Variants in IGSF21 observed in about 807,000 individuals in gnomAD.
The protein encoded by IGSF21 is immunoglobin superfamily member 21.
In IGSF21, 28 loss-of-function variants were observed where a neutral mutation model predicts 46.8. That is an observed-to-expected ratio of 0.60 (90% CI 0.44 to 0.82). IGSF21 has a LOEUF of 0.82. Ranked by LOEUF, IGSF21 falls within the 40% of genes least tolerant of loss-of-function variation. IGSF21 has a pLI of 0.00. For synonymous variants in IGSF21, 284 were observed against 273.6 expected, an observed-to-expected ratio of 1.04 and a Z score of -0.38; for missense variants, 624 against 665.5, an observed-to-expected ratio of 0.94 and a Z score of 0.69.
intron 2 of IGSF21, among the ~76,000 whole-genome samples, chr1:18,289,462 C>T (rs145930656): frequency 7.3e-4 from 111 of 152,350 alleles, no homozygotes; most frequent in African/African-American, 2.5e-3. Flanking sequence ...AGAAGCCAGA[C>T]GCTTGTCAGG....
At chr1:18,366,109 G>A (rs1485210912) in intron 6 of IGSF21, among the ~76,000 whole-genome samples, 1 of 151,990 alleles carries the variant, frequency 6.6e-6, no homozygotes, top group Non-Finnish European at 1.5e-5. Context: ...AGAGGTTGGG[G>A]AAAAGCAAGG....
At chr1:18,158,301 C>T (rs374813330) in intron 1 of IGSF21, among the ~76,000 whole-genome samples, 8 of 152,326 alleles carry the variant, frequency 5.3e-5, no homozygotes, top group East Asian at 3.9e-4. Context: ...AGTGCACCCT[C>T]GGCATTAATT....
intron 4 of IGSF21, among the ~76,000 whole-genome samples, chr1:18,350,701 TC>T (rs2085943502): frequency 6.6e-6 from 1 of 151,758 alleles, no homozygotes; most frequent in South Asian, 2.1e-4. Flanking sequence ...CTACAGCTCC[TC>T]CCCACTCACC....
In IGSF21 at chr1:18,277,286, C is replaced by T. The variant is rs117715834; in HGVS notation, c.184-14580C>T. 1.1e-4 allele frequency among the ~76,000 whole-genome samples: 16 copies of T among 152,332 alleles called. No homozygotes were observed. In the East Asian group the frequency reaches 2.5e-3, roughly 24 times the overall value. On this transcript the variant is annotated intron_variant, in intron 2 of 9. Coordinates refer to ENST00000251296, the MANE Select transcript of IGSF21 (RefSeq NM_032880.5). ...CCTCCTTTGAAGATTGGGGCCATAA[C>T]GTGAATCCCGTGGGGTGGTTGCAAG...
At chr1:18,267,142 C>A (rs768356579) in intron 2 of IGSF21, among the ~76,000 whole-genome samples, 3 of 152,162 alleles carry the variant, frequency 2.0e-5, no homozygotes, top group Non-Finnish European at 4.4e-5. Flanking sequence ...TGACCTCACT[C>A]TAATGGGAAT....
At chr1:18,228,554 G>T (rs1218659942) in intron 2 of IGSF21, among the ~76,000 whole-genome samples, 1 of 152,206 alleles carries the variant, frequency 6.6e-6, no homozygotes, top group Non-Finnish European at 1.5e-5. Flanking sequence ...TTGGCACCAG[G>T]AAGAACAGCT....
At chr1:18,122,220 G>A (rs1269324563) in intron 1 of IGSF21, among the ~76,000 whole-genome samples, 1 of 86,618 alleles carries the variant, frequency 1.2e-5, no homozygotes, top group Non-Finnish European at 2.1e-5. Context: ...TTTTTTTTGA[G>A]ATAGAGTCTC....
chr1:18,349,610 CA>C (rs2085929523), intron 4 of IGSF21, among the ~76,000 whole-genome samples: 1 of 152,188 alleles, frequency 6.6e-6, no homozygotes, highest in South Asian at 2.1e-4. Flanking sequence ...CAGGGAGTAA[CA>C]TATCATCCAT....
At chr1:18,373,303 C>T (rs78785422) in intron 6 of IGSF21, among the ~76,000 whole-genome samples, 18,091 of 152,082 alleles carry the variant, frequency 0.12, 1,142 homozygotes, top group East Asian at 0.23. Flanking sequence ...CAGGAAAGTC[C>T]GGAGACTAAG....
In IGSF21 at chr1:18,176,840, G is replaced by T. The variant is rs534054078; in HGVS notation, c.71-51058G>T. 5.9e-4 allele frequency among the ~76,000 whole-genome samples: 90 copies of T among 152,348 alleles called. 1 individual carries two copies. The highest frequency in any genetic ancestry group is 1.8e-3 in the African/African-American group (76 of 41,576). ...CCTTGGGGATTAGGGGGCTTTGGGGGCTACCCTGGGGCTTTAAGGACAACA... is the reference window on the plus strand; with the variant it reads ...CCTTGGGGATTAGGGGGCTTTGGGGTCTACCCTGGGGCTTTAAGGACAACA... On this transcript the variant is annotated intron_variant, in intron 1 of 9. Transcript: ENST00000251296.
intron 1 of IGSF21, among the ~76,000 whole-genome samples, chr1:18,130,851 G>C (rs902599340): frequency 6.6e-6 from 1 of 152,244 alleles, no homozygotes; most frequent in African/African-American, 2.4e-5. Flanking sequence ...AGCCACCTCA[G>C]AATCTGTCCA....
chr1:18,139,717 G>A (rs950955659), intron 1 of IGSF21, among the ~76,000 whole-genome samples: 1 of 152,194 alleles, frequency 6.6e-6, no homozygotes, highest in Non-Finnish European at 1.5e-5. Context: ...TCTGTGAGAT[G>A]GGGTTAATAT....
chr1:18,108,291 G>T, intron 1 of IGSF21, 93 bp downstream of exon 1: 2 of 1,216,310 alleles, frequency 1.6e-6, no homozygotes, highest in Non-Finnish European at 2.1e-6. Flanking sequence ...GCTCCGAGAG[G>T]CTCGGGCTAC....
Position 18,349,613 on chromosome 1 carries a change from A to G in IGSF21, c.425-12502A>G, listed in dbSNP as rs116602180. On this transcript the variant is annotated intron_variant, in intron 4 of 9. Coordinates refer to ENST00000251296, the MANE Select transcript of IGSF21 (RefSeq NM_032880.5). The stretch of plus-strand genomic sequence containing the variant: ...CATGAGAAGGGGCAGGGAGTAACAT[A>G]TCATCCATCACAACAGCACTCACCA... Among the ~76,000 whole-genome samples the G allele has an allele frequency of 5.4e-3, 828 of 152,290 alleles. 9 individuals carry two copies. The highest frequency in any genetic ancestry group is 0.019 in the African/African-American group (776 of 41,570).
chr1:18,241,370 G>T (rs1193982693), intron 2 of IGSF21, among the ~76,000 whole-genome samples: 1 of 152,130 alleles, frequency 6.6e-6, no homozygotes, highest in Non-Finnish European at 1.5e-5. Flanking sequence ...GAAGATTCTG[G>T]GGATATCAGA....
At chr1:18,303,129 C>T (rs1431856824) in intron 3 of IGSF21, among the ~76,000 whole-genome samples, 1 of 152,134 alleles carries the variant, frequency 6.6e-6, no homozygotes, top group African/African-American at 2.4e-5. Context: ...AGGGACCCTC[C>T]CTTATTCATC....
chr1:18,305,546 T>TGATG lies in IGSF21; in HGVS notation c.305+13587_305+13590dup, dbSNP rs151122242. 4.3e-3 allele frequency among the ~76,000 whole-genome samples: 538 copies of TGATG among 123,894 alleles called. 14 individuals are homozygous for TGATG. The highest frequency in any genetic ancestry group is 6.7e-3 in the Admixed American group (85 of 12,602). 81.3% of individuals were successfully genotyped at this position (123,894 alleles called of 152,430 possible). A position where few individuals can be genotyped will look rare whatever the true frequency, so the allele number is the denominator to read the frequency against. ...GATGGATTATGAATGGATGGATGGA[T>TGATG]GATGGATGGATGGATGGATGGATGG... On this transcript the variant is annotated intron_variant, in intron 3 of 9. Coordinates refer to ENST00000251296, the MANE Select transcript of IGSF21 (RefSeq NM_032880.5).
At chr1:18,324,511 C>T (rs568948329) in intron 3 of IGSF21, among the ~76,000 whole-genome samples, 14 of 152,178 alleles carry the variant, frequency 9.2e-5, no homozygotes, top group South Asian at 2.1e-4. Flanking sequence ...CCAGGTGGCC[C>T]GGCCGCTTCT....
At chr1:18,268,470 G>A (rs776499293) in intron 2 of IGSF21, among the ~76,000 whole-genome samples, 4 of 152,186 alleles carry the variant, frequency 2.6e-5, no homozygotes, top group Non-Finnish European at 4.4e-5. Context: ...GGGTGTCAGG[G>A]ACTCCTGGGT....
Sources: gnomAD v4.1 joint callset for allele counts (sites outside exome capture counted in the v4.1 genomes callset) on GRCh38, gnomAD v4.1.1 for gene constraint, MANE v1.5 for transcripts, NCBI Gene and HGNC (gene_info 2026-07-23, HGNC 2026-07-21) for gene names.